The following ATF6 variants were observed in gnomAD, a reference collection of about 807,000 sequenced individuals.
The protein encoded by ATF6 is activating transcription factor 6.
Under a neutral mutation model 83.6 loss-of-function variants are expected in ATF6, and 53 were observed. The observed-to-expected ratio is 0.63, with a 90% CI of 0.51 to 0.80. The LOEUF is 0.80. ATF6 is among the 30% of genes least tolerant of loss of function. The pLI is 0.00. For missense variants in ATF6, 744 were observed against 797.9 expected (o/e 0.93, Z 0.81); for synonymous variants, 288 against 285.8 (o/e 1.01, Z -0.08).
At chr1:161,814,983 A>C (rs921195691) in intron 7 of ATF6, among the ~76,000 whole-genome samples, 4 of 152,042 alleles carry the variant, frequency 2.6e-5, no homozygotes, top group Non-Finnish European at 5.9e-5. Flanking sequence ...GTTACAGTGA[A>C]GAGGTTAATC....
intron 15 of ATF6, among the ~76,000 whole-genome samples, chr1:161,937,695 A>T (rs1422372294): frequency 1.3e-5 from 2 of 151,386 alleles, no homozygotes; most frequent in Non-Finnish European, 2.9e-5. Flanking sequence ...AACAATGAGA[A>T]CACACGGACA....
rs566736418 is a variant in ATF6, at chr1:161,796,923, G to T, written c.688+4596G>T. Among the ~76,000 whole-genome samples, 1,445 of 144,962 alleles carry T rather than the reference G, an allele frequency of 1.0e-2. 27 individuals are homozygous for T. Among genetic ancestry groups the T allele is most frequent in the African/African-American group, 0.035 (1,368 of 39,594 alleles). On this transcript the variant is annotated intron_variant, in intron 6 of 15. Transcript: ENST00000367942. ...AGCACTTGGGAATTCTTGTTTTTTG[G>T]TTTTTTTTTTCACATTATGATAAAT...
chr1:161,940,203 T>G (rs1163140948), intron 15 of ATF6, among the ~76,000 whole-genome samples: 1 of 152,156 alleles, frequency 6.6e-6, no homozygotes, highest in African/African-American at 2.4e-5. Flanking sequence ...CCTATTAACT[T>G]TACCTTCAAA....
At chr1:161,936,646 C>T (rs1688541100) in intron 15 of ATF6, among the ~76,000 whole-genome samples, 1 of 152,184 alleles carries the variant, frequency 6.6e-6, no homozygotes. Flanking sequence ...CTAACTATGA[C>T]AGTAAGTCAC....
chr1:161,940,733 T>G (rs772754993), intron 15 of ATF6, among the ~76,000 whole-genome samples: 22 of 152,134 alleles, frequency 1.4e-4, no homozygotes, highest in Non-Finnish European at 2.8e-4. Flanking sequence ...TAATTTTTTT[T>G]GTTTTTTTTT....
At chr1:161,834,101 T>C (rs186970884) in intron 9 of ATF6, among the ~76,000 whole-genome samples, 8 of 152,248 alleles carry the variant, frequency 5.3e-5, no homozygotes, top group African/African-American at 1.9e-4. Flanking sequence ...GGGCCAATAT[T>C]CAACATTCCT....
intron 14 of ATF6, among the ~76,000 whole-genome samples, chr1:161,902,908 T>C (rs1325532513): frequency 3.9e-5 from 6 of 152,108 alleles, no homozygotes; most frequent in Non-Finnish European, 7.4e-5. Flanking sequence ...CACTGAGAAA[T>C]TGACATTTGA....
At chr1:161,881,226 T>C (rs1175522751) in intron 14 of ATF6, among the ~76,000 whole-genome samples, 2 of 152,094 alleles carry the variant, frequency 1.3e-5, no homozygotes, top group Non-Finnish European at 2.9e-5. Flanking sequence ...ATTTGCTGGG[T>C]CTTCTACTCC....
chr1:161,892,926 C>G (rs1687588853), intron 14 of ATF6, among the ~76,000 whole-genome samples: 1 of 152,132 alleles, frequency 6.6e-6, no homozygotes, highest in Non-Finnish European at 1.5e-5. Context: ...GCGTGAGCCA[C>G]CGCGCCTGGC....
intron 14 of ATF6, among the ~76,000 whole-genome samples, chr1:161,890,280 G>A (rs781301049): frequency 3.1e-4 from 47 of 152,136 alleles, no homozygotes; most frequent in Non-Finnish European, 5.9e-4. Context: ...TAAAGATCTC[G>A]GAAGTTTGCT....
At position 161,802,187 on chromosome 1, in the gene ATF6, C is replaced by A. The variant is rs951591074; in HGVS notation, c.824C>A (p.Ala275Asp). The A allele has an allele frequency of 3.7e-6, 6 of 1,614,036 alleles. No individual in the cohort carries two copies. The highest frequency in any genetic ancestry group is 5.1e-6 in the Non-Finnish European group (6 of 1,179,998). ...LPNHVVNVVP[A>D]PSANSPVNGK... ...AATCACGTGGTGAATGTGGTACCAG[C>A]CCCTTCAGCGAATAGCCCAGTGAAT... Residue 275 changes from alanine to aspartate, a missense_variant, in exon 7 of 16, where the codon GCC becomes GAC. Physicochemically the swap from Ala to Asp is moderately radical, Grantham distance 126. Coordinates refer to ENST00000367942, the MANE Select transcript of ATF6 (RefSeq NM_007348.4).
chr1:161,862,815 C>T (rs114898254), intron 13 of ATF6, among the ~76,000 whole-genome samples: 10 of 152,190 alleles, frequency 6.6e-5, no homozygotes, highest in Admixed American at 3.9e-4. Context: ...TTCATATATT[C>T]GACAGGGTGG....
chr1:161,867,851 C>T (rs1687039057), intron 14 of ATF6, among the ~76,000 whole-genome samples: 1 of 152,216 alleles, frequency 6.6e-6, no homozygotes, highest in African/African-American at 2.4e-5. Flanking sequence ...GTCTCTTTCT[C>T]CTCTCTTTCC....
rs532608316 is a variant in ATF6, at chr1:161,962,750, G to A, written c.*4096G>A. 5.3e-5 allele frequency: 8 copies of A among 152,244 alleles called. No homozygotes were observed. The East Asian group carries it at 5.8e-4, about 11-fold the overall frequency. The allele number at this position is 152,244 out of a possible 1,614,324, so 9.4% of individuals were successfully genotyped here. On this transcript the variant is annotated 3_prime_UTR_variant, in exon 16 of 16. Transcript: ENST00000367942. ...TGGGCTGACTCAGCTTCCTTCAGCC[G>A]ACTGAGATCTTTTCATACTATTGGC...
At chr1:161,902,210 T>C (rs763163169) in intron 14 of ATF6, among the ~76,000 whole-genome samples, 1 of 152,200 alleles carries the variant, frequency 6.6e-6, no homozygotes. Context: ...AAAAGTGGTA[T>C]TGAAAAAAGT....
At chr1:161,889,970 C>G (rs1392064684) in intron 14 of ATF6, among the ~76,000 whole-genome samples, 1 of 152,100 alleles carries the variant, frequency 6.6e-6, no homozygotes, top group Non-Finnish European at 1.5e-5. Context: ...TCCCATACAC[C>G]CTTTATGCAG....
chr1:161,820,889 C>T (rs1685741873), intron 8 of ATF6, among the ~76,000 whole-genome samples, 181 bp from the exon 9 acceptor site: 2 of 151,494 alleles, frequency 1.3e-5, no homozygotes, highest in Non-Finnish European at 2.9e-5. Context: ...GAAGTCTCTG[C>T]TCTAGTCTTG....
intron 15 of ATF6, among the ~76,000 whole-genome samples, chr1:161,950,038 A>G (rs1479223422): frequency 6.6e-6 from 1 of 152,222 alleles, no homozygotes; most frequent in Non-Finnish European, 1.5e-5. Context: ...GTCATGTCAG[A>G]TCTCAATCAT....
intron 4 of ATF6, among the ~76,000 whole-genome samples, chr1:161,785,797 C>T (rs1462292278): frequency 6.6e-6 from 1 of 152,136 alleles, no homozygotes; most frequent in East Asian, 1.9e-4. Flanking sequence ...TAAAATTTTA[C>T]ATCCTCATCA....
Sources: gnomAD v4.1 joint callset for allele counts (sites outside exome capture counted in the v4.1 genomes callset) on GRCh38, gnomAD v4.1.1 for gene constraint, MANE v1.5 for transcripts, NCBI Gene and HGNC (gene_info 2026-07-23, HGNC 2026-07-21) for gene names.